ARMC3: variants seen among roughly 807,000 people sequenced by gnomAD.
ARMC3 encodes the protein armadillo repeat containing 3, also known as armadillo repeat-containing protein 3.
In ARMC3, 74 loss-of-function variants were observed where a neutral mutation model predicts 90.3. The ratio of observed to expected loss-of-function variants is 0.82; its 90% CI spans 0.68 to 0.99. ARMC3 has a LOEUF of 0.99. ARMC3 is among the 50% of genes least tolerant of loss of function. ARMC3 has a pLI of 0.00. For synonymous variants in ARMC3, 334 were observed against 361.8 expected (o/e 0.92, Z 0.87); for missense variants, 958 against 1,042.8 (o/e 0.92, Z 1.12).
At chr10:23,017,540 G>A (rs1483953166) in intron 16 of ARMC3, among the ~76,000 whole-genome samples, 4 of 152,296 alleles carry the variant, frequency 2.6e-5, no homozygotes, top group East Asian at 3.9e-4. Flanking sequence ...CGAGATGGGC[G>A]GATCACTTGA....
intron 16 of ARMC3, among the ~76,000 whole-genome samples, chr10:23,020,358 C>T (rs1207674556): frequency 1.3e-5 from 2 of 152,222 alleles, no homozygotes; most frequent in East Asian, 3.8e-4. Flanking sequence ...TGGTCTCGAA[C>T]TCCTGACCTC....
At chr10:22,946,103 A>T (rs1227338144) in intron 2 of ARMC3, 41 bp from the exon 3 acceptor site, 1 of 1,354,148 alleles carries the variant, frequency 7.4e-7, no homozygotes, top group Non-Finnish European at 1.0e-6. Flanking sequence ...TGATTTTTAA[A>T]GCTCATATGT....
intron 4 of ARMC3, 143 bp downstream of exon 4, chr10:22,956,075 C>T: frequency 1.3e-6 from 1 of 747,934 alleles, no homozygotes; most frequent in South Asian, 2.8e-5. Flanking sequence ...TATAATGCAG[C>T]AAATGTGTGA....
At chr10:23,024,391 C>CAGATAGAT (rs747069779) in intron 16 of ARMC3, among the ~76,000 whole-genome samples, 15 of 134,654 alleles carry the variant, frequency 1.1e-4, no homozygotes, top group African/African-American at 3.8e-4. Context: ...AGAGGAATGC[C>CAGATAGAT]ACATAGATAG....
At chr10:23,024,837 T>C (rs1838653993) in intron 16 of ARMC3, among the ~76,000 whole-genome samples, 1 of 152,196 alleles carries the variant, frequency 6.6e-6, no homozygotes, top group African/African-American at 2.4e-5. Flanking sequence ...TCCGACTGTA[T>C]GCTGTTTAAA....
chr10:22,954,383 GCA>G (rs1834846735), intron 3 of ARMC3, among the ~76,000 whole-genome samples: 1 of 151,840 alleles, frequency 6.6e-6, no homozygotes, highest in Admixed American at 6.6e-5. Context: ...ATGAGGCCAG[GCA>G]CAGTGTCTTG....
Position 22,959,130 on chromosome 10 carries a change from C to T in ARMC3, c.353C>T (p.Ala118Val). The change falls in exon 5 of 19, where the codon GCT (alanine) becomes GTT (valine). Residue 118 changes from alanine (A) to valine (V), a missense_variant. Physicochemically the swap from Ala to Val is moderately conservative, Grantham distance 64. Transcript: ENST00000298032. The stretch of plus-strand genomic sequence containing the variant: ...ATGAATTCTGTCATTGCCCAGCTCG[C>T]TCCAGAAGGTAACTTTGCATTCTAT... The part of the protein sequence containing the change: ...DVMNSVIAQL[A>V]PEEEVVIHEF... 1 of 1,612,920 alleles carries T rather than the reference C, an allele frequency of 6.2e-7. No homozygotes were observed. The highest frequency in any genetic ancestry group is 1.7e-5 in the Admixed American group (1 of 60,022).
intron 1 of ARMC3, among the ~76,000 whole-genome samples, chr10:22,928,786 T>C (rs1337690427): frequency 1.3e-5 from 2 of 152,236 alleles, no homozygotes; most frequent in African/African-American, 4.8e-5. Flanking sequence ...GTTATGCTAA[T>C]CCACTGGAGA....
chr10:22,983,211 C>T (rs1362676049), intron 10 of ARMC3, among the ~76,000 whole-genome samples: 2 of 152,180 alleles, frequency 1.3e-5, no homozygotes, highest in Non-Finnish European at 2.9e-5. Context: ...ATACTTTTAA[C>T]AGGCCTCCAG....
rs530843797 is a variant in ARMC3, at chr10:22,961,987, C to A, written c.641C>A (p.Thr214Asn). ...GTGATTCAGTTGTTGGCTCTCAAAACCTTAGGTGTTATTGCAAATGATAAG... is the reference window on the plus strand; with the variant it reads ...GTGATTCAGTTGTTGGCTCTCAAAAACTTAGGTGTTATTGCAAATGATAAG... Reference protein sequence around the residue: ...YPVIQLLALKTLGVIANDKES... With the variant: ...YPVIQLLALKNLGVIANDKES... The change falls in exon 7 of 19, where the codon ACC (threonine) becomes AAC (asparagine). Residue 214 changes from threonine to asparagine, a missense_variant. Thr to Asn is a moderately conservative substitution (Grantham distance 65, BLOSUM62 0). Coordinates refer to ENST00000298032, the MANE Select transcript of ARMC3 (RefSeq NM_173081.5). 3.7e-6 allele frequency: 6 copies of A among 1,612,608 alleles called. No individual in the cohort carries two copies. In the African/African-American group the frequency reaches 4.0e-5, roughly 11 times the overall value.
chr10:22,987,742 C>A (rs1439270719), intron 10 of ARMC3, among the ~76,000 whole-genome samples: 1 of 152,156 alleles, frequency 6.6e-6, no homozygotes, highest in Non-Finnish European at 1.5e-5. Context: ...GAGTGATTTA[C>A]CTAAATCTTA....
At chr10:22,976,109 C>T (rs558742699) in intron 8 of ARMC3, among the ~76,000 whole-genome samples, 1 of 152,302 alleles carries the variant, frequency 6.6e-6, no homozygotes, top group South Asian at 2.1e-4. Flanking sequence ...TCTCCTGATC[C>T]CACTGGTTTA....
At position 22,986,110 on chromosome 10, in the gene ARMC3, G is replaced by GCCCCCC. The variant is rs147031860; in HGVS notation, c.1175+4415_1175+4420dup. On this transcript the variant is annotated intron_variant, in intron 10 of 18. Transcript: ENST00000298032. ...GCACCCCCACACCCCTGCACTGCACGCCCCCCCCCCGCGCCACACACCAAC... is the reference window on the plus strand; with the variant it reads ...GCACCCCCACACCCCTGCACTGCACGCCCCCCCCCCCCCCCCGCGCCACACACCAAC... Among the ~76,000 whole-genome samples the GCCCCCC allele has an allele frequency of 9.9e-4, 100 of 101,492 alleles. No homozygotes were observed. The East Asian group carries it at 0.01, about 11-fold the overall frequency. The allele number at this position is 101,492 out of a possible 152,430, so 66.6% of individuals were successfully genotyped here.
At chr10:22,969,307 A>G (rs1835581459) in intron 8 of ARMC3, among the ~76,000 whole-genome samples, 1 of 152,180 alleles carries the variant, frequency 6.6e-6, no homozygotes, top group Non-Finnish European at 1.5e-5. Context: ...TATAGTTTTA[A>G]TTTATGTATA....
chr10:22,998,170 A>C lies in ARMC3; in HGVS notation c.1198A>C (p.Ile400Leu). The change falls in exon 11 of 19, where the codon ATT becomes CTT. Residue 400 changes from isoleucine to leucine, a missense_variant. Coordinates refer to ENST00000298032, the MANE Select transcript of ARMC3 (RefSeq NM_173081.5). ...NANAAAEADG[I>L]DPLINLLSSK... is the part of the protein sequence containing the mutation. ...CAGCGCTGCTGCTGAAGCTGATGGT[A>C]TTGATCCATTAATAAACCTCCTGTC... is the stretch of plus-strand genomic sequence containing the variant. 6.2e-7 allele frequency: 1 copy of C among 1,613,944 alleles called. No individual in the cohort carries two copies. The highest frequency in any genetic ancestry group is 1.1e-5 in the South Asian group (1 of 91,032).
At chr10:22,942,019 T>G (rs1834344981) in intron 2 of ARMC3, among the ~76,000 whole-genome samples, 1 of 152,156 alleles carries the variant, frequency 6.6e-6, no homozygotes, top group Non-Finnish European at 1.5e-5. Flanking sequence ...CACTTGTGGT[T>G]TGGGTTTGAG....
intron 18 of ARMC3, among the ~76,000 whole-genome samples, chr10:23,036,431 A>G (rs1231065113): frequency 1.3e-5 from 2 of 152,220 alleles, no homozygotes; most frequent in Non-Finnish European, 2.9e-5. Flanking sequence ...GGTGCTATGT[A>G]GTATTAACTG....
intron 2 of ARMC3, among the ~76,000 whole-genome samples, chr10:22,934,306 G>T (rs1038461015): frequency 6.6e-6 from 1 of 152,120 alleles, no homozygotes; most frequent in Non-Finnish European, 1.5e-5. Flanking sequence ...ATTCTCATTT[G>T]TCATAACATT....
At chr10:22,983,411 A>G (rs926106394) in intron 10 of ARMC3, among the ~76,000 whole-genome samples, 7 of 152,336 alleles carry the variant, frequency 4.6e-5, no homozygotes, top group Admixed American at 2.6e-4. Flanking sequence ...TTGTTACCAT[A>G]GAAAGGTCAG....
Sources: gnomAD v4.1 joint callset for allele counts (sites outside exome capture counted in the v4.1 genomes callset) on GRCh38, gnomAD v4.1.1 for gene constraint, MANE v1.5 for transcripts, NCBI Gene and HGNC (gene_info 2026-07-23, HGNC 2026-07-21) for gene names.